The following TTC39C variants were observed in gnomAD, a reference collection of about 807,000 sequenced individuals.
TTC39C encodes tetratricopeptide repeat domain 39C.
TTC39C carries 33 observed loss-of-function variants against 76.3 expected under a neutral mutation model. The ratio of observed to expected loss-of-function variants is 0.43; its 90% CI spans 0.33 to 0.58. The LOEUF (loss-of-function observed/expected upper bound fraction) is 0.58. TTC39C is among the 20% of genes least tolerant of loss of function. The pLI, the probability that TTC39C is intolerant of heterozygous loss-of-function variation, is 0.04. For synonymous variants in TTC39C, 254 were observed against 260.6 expected, an observed-to-expected ratio of 0.97 and a Z score of 0.24; for missense variants, 595 against 701.4, an observed-to-expected ratio of 0.85 and a Z score of 1.71.
At chr18:24,094,450 C>A (rs1013686946) in intron 6 of TTC39C, among the ~76,000 whole-genome samples, 5 of 152,182 alleles carry the variant, frequency 3.3e-5, no homozygotes, top group African/African-American at 7.2e-5. Flanking sequence ...TAAATCCTTT[C>A]CAGAGGGTTT....
chr18:24,125,773 C>T (rs2085043002), intron 10 of TTC39C: 4 of 488,106 alleles, frequency 8.2e-6, no homozygotes, highest in South Asian at 7.7e-5. Context: ...TTGCCTTGAA[C>T]ATGTGCTGCT....
At chr18:24,023,940 ATATATGCATG>A (rs1350374450) in intron 1 of TTC39C, among the ~76,000 whole-genome samples, 11 of 31,432 alleles carry the variant, frequency 3.5e-4, no homozygotes, top group East Asian at 3.5e-3. Context: ...TTACATATAT[ATATATGCATG>A]TATATATATA....
intron 8 of TTC39C, 40 bp from the exon 9 acceptor site, chr18:24,123,794 C>T: frequency 6.7e-7 from 1 of 1,501,626 alleles, no homozygotes; most frequent in South Asian, 1.2e-5. Flanking sequence ...GGCATTTTCC[C>T]TGACTTGTAC....
In TTC39C at chr18:24,125,476, C is replaced by T. The variant is rs72881750; in HGVS notation, c.1346C>T (p.Ala449Val). The T allele has an allele frequency of 4.3e-4, 694 of 1,614,120 alleles. 2 individuals carry two copies. Among genetic ancestry groups the T allele is most frequent in the Non-Finnish European group, 4.5e-4 (529 of 1,180,016 alleles). ...QTPTKALCVL[A>V]SIEVLYLWKA... is the part of the protein sequence containing the mutation. ...CCAACCAAAGCGCTCTGTGTGTTGG[C>T]GTCTATTGAAGTGTTGTACTTGTGG... is the stretch of plus-strand genomic sequence containing the variant. The change falls in exon 10 of 14, where the codon GCG (alanine) becomes GTG (valine). Residue 449 changes from alanine (A) to valine (V), a missense_variant. Physicochemically the swap from Ala to Val is moderately conservative, Grantham distance 64. Transcript: ENST00000317571.
intron 1 of TTC39C, among the ~76,000 whole-genome samples, chr18:24,022,046 CT>C (rs1298722163): frequency 1.3e-5 from 2 of 151,996 alleles, no homozygotes; most frequent in African/African-American, 2.4e-5. Context: ...GCTTAGGTGA[CT>C]TTTTTTTCTT....
chr18:24,118,713 C>A (rs1389172168), intron 8 of TTC39C, among the ~76,000 whole-genome samples: 2 of 150,688 alleles, frequency 1.3e-5, no homozygotes, highest in Non-Finnish European at 2.9e-5. Context: ...AGTGCAGTGG[C>A]CTGATCACAG....
chr18:24,029,328 C>G (rs1275503493), intron 1 of TTC39C, among the ~76,000 whole-genome samples: 1 of 152,164 alleles, frequency 6.6e-6, no homozygotes, highest in East Asian at 1.9e-4. Flanking sequence ...GTCTCGAACT[C>G]CTGACCTAGG....
At chr18:24,075,534 A>G (rs2084293661) in intron 4 of TTC39C, among the ~76,000 whole-genome samples, 1 of 151,900 alleles carries the variant, frequency 6.6e-6, no homozygotes, top group Admixed American at 6.6e-5. Context: ...AATACAAAAA[A>G]TCAGCCAGGC....
chr18:24,038,270 C>G (rs1161472271), intron 1 of TTC39C, among the ~76,000 whole-genome samples: 1 of 152,140 alleles, frequency 6.6e-6, no homozygotes, highest in African/African-American at 2.4e-5. Flanking sequence ...ATCTACACAG[C>G]ATGTAATTTA....
chr18:24,017,606 C>G (rs1008065661), intron 1 of TTC39C, among the ~76,000 whole-genome samples: 8 of 152,132 alleles, frequency 5.3e-5, no homozygotes, highest in Non-Finnish European at 7.4e-5. Flanking sequence ...TTACGTATTA[C>G]GTATGAAGGA....
chr18:24,068,694 T>G (rs1016442649), intron 3 of TTC39C, among the ~76,000 whole-genome samples: 1 of 152,252 alleles, frequency 6.6e-6, no homozygotes, highest in Non-Finnish European at 1.5e-5. Context: ...TGTAATCAGT[T>G]TCTGATCCTT....
chr18:24,079,804 T>C (rs1163843624), intron 4 of TTC39C, among the ~76,000 whole-genome samples: 1 of 16,486 alleles, frequency 6.1e-5, no homozygotes, highest in Non-Finnish European at 1.9e-4. Context: ...ATTTTTTTCT[T>C]TCTTTTTTTT....
At chr18:24,076,848 G>A (rs796127874) in intron 4 of TTC39C, 1 of 152,046 alleles carries the variant, frequency 6.6e-6, no homozygotes, top group African/African-American at 2.4e-5. Flanking sequence ...AATTAAAGAC[G>A]GATTGAATTC....
At chr18:24,099,423 C>T (rs1402660254) in intron 6 of TTC39C, 1 of 151,794 alleles carries the variant, frequency 6.6e-6, no homozygotes, top group Admixed American at 6.6e-5. Flanking sequence ...CACAAAACTC[C>T]CACCTCCTAA....
rs540141458 is a variant in TTC39C at position 24,103,930 on chromosome 18, T to C, written c.985-10624T>C. On this transcript the variant is annotated intron_variant, in intron 6 of 13. Transcript: ENST00000317571. ...AGTGCGAAATCCCACATTCTCTCTC[T>C]GTTTTTTTTTTTTTTGTTTGAGACG... is the stretch of plus-strand genomic sequence containing the variant. Among the ~76,000 whole-genome samples, 9 of 144,934 alleles carry C rather than the reference T, an allele frequency of 6.2e-5. No homozygotes were observed. In the South Asian group the frequency reaches 8.8e-4, roughly 14 times the overall value.
At chr18:24,108,380 A>T (rs552443688) in intron 6 of TTC39C, among the ~76,000 whole-genome samples, 2 of 152,336 alleles carry the variant, frequency 1.3e-5, no homozygotes, top group South Asian at 4.1e-4. Context: ...TTGGCAATAT[A>T]GTCTGGGCCA....
chr18:24,117,151 G>T (rs2084903931), intron 7 of TTC39C, among the ~76,000 whole-genome samples: 1 of 152,150 alleles, frequency 6.6e-6, no homozygotes, highest in Non-Finnish European at 1.5e-5. Context: ...TTGCAAGGTT[G>T]TCATAAGGAT....
intron 6 of TTC39C, among the ~76,000 whole-genome samples, chr18:24,085,976 T>C (rs1328850442): frequency 6.6e-6 from 1 of 152,216 alleles, no homozygotes; most frequent in East Asian, 1.9e-4. Context: ...GAAATGACCA[T>C]GTCATCCTTC....
At chr18:24,125,755 A>T (rs947585178) in intron 10 of TTC39C, 208 of 548,014 alleles carry the variant, frequency 3.8e-4, no homozygotes, top group Non-Finnish European at 5.9e-4. Context: ...TGCTGTGGAC[A>T]GATATGCTTG....
Sources: allele counts gnomAD v4.1 joint callset (sites outside exome capture counted in the v4.1 genomes callset), GRCh38; gene constraint gnomAD v4.1.1; transcripts MANE v1.5; gene names NCBI Gene and HGNC (gene_info 2026-07-23, HGNC 2026-07-21).